The following TENM1 variants were observed in gnomAD, a reference collection of about 807,000 sequenced individuals.
TENM1 encodes the protein teneurin transmembrane protein 1, also known as teneurin-1.
In TENM1, 35 loss-of-function variants were observed where a neutral mutation model predicts 174.8. The ratio of observed to expected loss-of-function variants is 0.20; its 90% CI spans 0.15 to 0.27. TENM1 has a LOEUF of 0.27. TENM1 is among the 10% of genes least tolerant of loss of function. The probability of loss-of-function intolerance (pLI) is 1.00; values close to 1 mark genes in which losing one functional copy is unlikely to be tolerated. For synonymous variants in TENM1, 781 were observed against 798.7 expected (o/e 0.98, Z 0.37); for missense variants, 1,633 against 2,130.1 (o/e 0.77, Z 4.59).
chrX:124,886,542 TATATATAGAGAGAG>T (rs1376167433), intron 3 of TENM1, among the ~76,000 whole-genome samples: 1 of 88,670 alleles, frequency 1.1e-5, no homozygotes, highest in African/African-American at 4.5e-5. Context: ...TATATATATA[TATATATAGAGAGAG>T]AGAGAGAGAG....
intron 3 of TENM1, among the ~76,000 whole-genome samples, chrX:124,893,832 G>C (rs779559397): frequency 3.6e-5 from 4 of 111,301 alleles, no homozygotes; most frequent in Non-Finnish European, 5.7e-5. Context: ...TGATGACATG[G>C]ATAAAGTGTG....
In TENM1 at chrX:124,534,948, T is replaced by C. The variant is rs185756536; in HGVS notation, c.2652-4965A>G. Among the ~76,000 whole-genome samples the C allele has an allele frequency of 5.7e-3, 642 of 112,106 alleles. 4 individuals are homozygous for C. Among genetic ancestry groups the C allele is most frequent in the African/African-American group, 0.02 (611 of 30,878 alleles). On this transcript the variant is annotated intron_variant, in intron 15 of 31. Coordinates refer to ENST00000422452, the Ensembl canonical transcript of TENM1. Reference sequence around the variant, plus strand: ...TGGGGTCTCTGTTGGAATGCAAATATCTCTGAATAGTTAGGACAAAGGGTT... The same window carrying C: ...TGGGGTCTCTGTTGGAATGCAAATACCTCTGAATAGTTAGGACAAAGGGTT...
At chrX:125,060,946 G>T in the TENM1 span, among the ~76,000 whole-genome samples, 1 of 109,563 alleles carries the variant, frequency 9.1e-6, no homozygotes, top group Non-Finnish European at 1.9e-5. Context: ...ACTAGGAGTC[G>T]ACCTGTTTAT....
intron 18 of TENM1, among the ~76,000 whole-genome samples, chrX:124,508,283 T>G (rs1221462844): frequency 8.9e-6 from 1 of 112,506 alleles, no homozygotes; most frequent in Non-Finnish European, 1.9e-5. Context: ...AATACTTTGT[T>G]TATCTATTAT....
At chrX:124,630,113 C>G (rs767590766) in intron 11 of TENM1, among the ~76,000 whole-genome samples, 2 of 112,165 alleles carry the variant, frequency 1.8e-5, no homozygotes, top group South Asian at 7.4e-4. Flanking sequence ...AAGAAATGAA[C>G]AAAAAGAAGA....
intron 1 of TENM1, among the ~76,000 whole-genome samples, chrX:124,941,671 C>T (rs770084107): frequency 8.9e-6 from 1 of 111,887 alleles, no homozygotes; most frequent in African/African-American, 3.2e-5. Context: ...CATTATTTTT[C>T]CCCCTAAAAC....
chrX:124,539,023 T>C (rs930463651), intron 15 of TENM1, among the ~76,000 whole-genome samples: 2 of 111,651 alleles, frequency 1.8e-5, no homozygotes, highest in Non-Finnish European at 3.8e-5. Context: ...GTCTGAGGTA[T>C]TCAAATTTTC....
intron 11 of TENM1, among the ~76,000 whole-genome samples, chrX:124,566,713 T>C (rs2048949647): frequency 8.9e-6 from 1 of 112,212 alleles, no homozygotes; most frequent in Non-Finnish European, 1.9e-5. Flanking sequence ...ACAATATTCT[T>C]CTGATAAAGC....
intron 27 of TENM1, among the ~76,000 whole-genome samples, chrX:124,394,928 T>G (rs1264651002): frequency 8.9e-6 from 1 of 112,234 alleles, no homozygotes; most frequent in Admixed American, 9.5e-5. Flanking sequence ...AAGTAGTTTT[T>G]GTTTTTCTCT....
chrX:124,930,369 C>A (rs2058152867), intron 1 of TENM1, among the ~76,000 whole-genome samples: 1 of 111,785 alleles, frequency 8.9e-6, no homozygotes, highest in Admixed American at 9.5e-5. Context: ...CGGTGCATTG[C>A]CTTACTGAAG....
the TENM1 span, among the ~76,000 whole-genome samples, chrX:125,190,122 A>T: frequency 4.5e-5 from 5 of 111,541 alleles, no homozygotes; most frequent in Non-Finnish European, 9.4e-5. Context: ...CATTACAATG[A>T]TCAGTGCTCT....
At chrX:124,473,103 A>T (rs1181334246) in intron 22 of TENM1, among the ~76,000 whole-genome samples, 1 of 111,853 alleles carries the variant, frequency 8.9e-6, no homozygotes, top group Admixed American at 9.5e-5. Flanking sequence ...CTGTATTTAG[A>T]AGGAACTTGC....
chrX:124,491,571 T>C (rs926622265), intron 20 of TENM1, among the ~76,000 whole-genome samples: 1 of 111,889 alleles, frequency 8.9e-6, no homozygotes, highest in Non-Finnish European at 1.9e-5. Flanking sequence ...GATGCATACA[T>C]ACGAATGAAA....
chrX:124,738,042 C>G (rs1353755914), intron 3 of TENM1, among the ~76,000 whole-genome samples: 4 of 111,905 alleles, frequency 3.6e-5, no homozygotes, highest in Non-Finnish European at 7.5e-5. Context: ...CACGTAAAGA[C>G]AGTGAGTTAG....
chrX:125,174,022 A>G, the TENM1 span, among the ~76,000 whole-genome samples: 1 of 111,661 alleles, frequency 9.0e-6, no homozygotes, highest in Admixed American at 9.6e-5. Flanking sequence ...TATGGAGAGC[A>G]AAGTACAAGA....
intron 1 of TENM1, among the ~76,000 whole-genome samples, chrX:124,936,692 T>A (rs180923156): frequency 7.6e-4 from 85 of 112,164 alleles, no homozygotes; most frequent in Non-Finnish European, 1.2e-3. Context: ...CAAGCCTGGT[T>A]AATCACAGAG....
chrX:125,079,394 T>C, the TENM1 span, among the ~76,000 whole-genome samples: 1 of 111,776 alleles, frequency 8.9e-6, no homozygotes, highest in African/African-American at 3.2e-5. Context: ...AAGACCTTTC[T>C]TGAAGAAGGA....
In TENM1 at chrX:124,689,941, T is replaced by C. The variant is rs143751511; in HGVS notation, c.1015+15072A>G. ...TATTGTATGTAATATTTTCAGACCA[T>C]AGTTGACCATGGGTAACTGAAATTG... On this transcript the variant is annotated intron_variant, in intron 5 of 31. Coordinates refer to ENST00000422452, the Ensembl canonical transcript of TENM1. Among the ~76,000 whole-genome samples the C allele has an allele frequency of 5.7e-3, 634 of 111,369 alleles. 3 individuals carry two copies. The highest frequency in any genetic ancestry group is 0.01 in the Non-Finnish European group (538 of 53,007).
the TENM1 span, among the ~76,000 whole-genome samples, chrX:125,101,360 A>G: frequency 8.9e-6 from 1 of 111,813 alleles, no homozygotes; most frequent in Non-Finnish European, 1.9e-5. Flanking sequence ...ACACTTTGGG[A>G]ACCCTGCAGA....
Sources: allele counts gnomAD v4.1 joint callset (sites outside exome capture counted in the v4.1 genomes callset), GRCh38; gene constraint gnomAD v4.1.1; transcripts MANE v1.5; gene names NCBI Gene and HGNC (gene_info 2026-07-23, HGNC 2026-07-21).